The following RFWD3 variants were observed in gnomAD, a reference collection of about 807,000 sequenced individuals.
RFWD3 encodes E3 ubiquitin-protein ligase RFWD3.
A neutral mutation model predicts 87.7 loss-of-function variants in RFWD3; 65 were observed. The ratio of observed to expected loss-of-function variants is 0.74; its 90% CI spans 0.61 to 0.91. The LOEUF is 0.91. Among genes scored for constraint, RFWD3 ranks in the 40% least tolerant of loss-of-function variants. The probability of loss-of-function intolerance (pLI) is 0.00; values close to 1 mark genes in which losing one functional copy is unlikely to be tolerated. For missense variants in RFWD3, 1,078 were observed against 938.5 expected (o/e 1.15, Z -1.94); for synonymous variants, 433 against 352.8 (o/e 1.23, Z -2.55).
Position 74,661,418 on chromosome 16 carries a change from T to C in RFWD3, c.32A>G (p.Gln11Arg), listed in dbSNP as rs1291396913. The stretch of plus-strand genomic sequence containing the variant: ...TTGTTCGGCATGATTTAACTGCACC[T>C]GAACATCATATTCCATTGCTTCATG... MAHEAMEYDV[Q>R]VQLNHAEQQP... The change falls in exon 2 of 13, where the codon CAG (glutamine) becomes CGG (arginine). Residue 11 changes from glutamine (Q) to arginine (R), a missense_variant. Transcript: ENST00000361070. 3 of 1,612,862 alleles carry C rather than the reference T, an allele frequency of 1.9e-6. No individual in the cohort carries two copies. The highest frequency in any genetic ancestry group is 2.7e-5 in the African/African-American group (2 of 74,902).
Position 74,651,904 on chromosome 16 carries a change from T to C in RFWD3, c.721+16A>G. On this transcript the variant is annotated intron_variant, in intron 3 of 12. Coordinates refer to ENST00000361070, the MANE Select transcript of RFWD3 (RefSeq NM_018124.4). ...GATGTTAGCCTTGTGAGTCCAAACCTGGGTAAAATACTGACCTTCTAAAAT... is the reference window on the plus strand; with the variant it reads ...GATGTTAGCCTTGTGAGTCCAAACCCGGGTAAAATACTGACCTTCTAAAAT... 6.2e-7 allele frequency: 1 copy of C among 1,612,678 alleles called. No individual in the cohort carries two copies. The highest frequency in any genetic ancestry group is 8.5e-7 in the Non-Finnish European group (1 of 1,179,172).
intron 4 of RFWD3, among the ~76,000 whole-genome samples, chr16:74,646,153 T>C (rs1277658421): frequency 6.6e-6 from 1 of 152,086 alleles, no homozygotes; most frequent in African/African-American, 2.4e-5. Flanking sequence ...GGCAGGAGGA[T>C]TCCTTGAGCT....
At chr16:74,624,220 CAA>C (rs1160292757) in intron 12 of RFWD3, 149 bp from the exon 13 acceptor site, 1 of 858,816 alleles carries the variant, frequency 1.2e-6, no homozygotes, top group Admixed American at 2.9e-5. Context: ...CAAGGTTGTT[CAA>C]AGTCAGCACA....
chr16:74,655,786 A>C (rs959088523), intron 2 of RFWD3, among the ~76,000 whole-genome samples: 1 of 152,162 alleles, frequency 6.6e-6, no homozygotes, highest in African/African-American at 2.4e-5. Context: ...TCGGCCTCCC[A>C]AAGTGCTGGG....
chr16:74,649,195 T>A lies in RFWD3; in HGVS notation c.729A>T (p.Leu243=). ...ESGAVILEEQ[L]AGVSAEQEVT... is the part of the protein sequence containing the mutation. ...CTTCTTGCTCTGCTGAGACACCTGC[T>A]AGTTGCTCTGCCAAGTCATTTCCAG... Residue 243 remains leucine (L), a synonymous_variant, in exon 4 of 13, where the codon CTA becomes CTT. Coordinates refer to ENST00000361070, the MANE Select transcript of RFWD3 (RefSeq NM_018124.4). 6.4e-7 allele frequency: 1 copy of A among 1,560,570 alleles called. No homozygotes were observed. Among genetic ancestry groups the A allele is most frequent in the Non-Finnish European group, 8.6e-7 (1 of 1,161,774 alleles).
In RFWD3 at chr16:74,624,049, G is replaced by A. The variant is rs1958846622; in HGVS notation, c.2204C>T (p.Ser735Leu). 10 of 1,613,872 alleles carry A rather than the reference G, an allele frequency of 6.2e-6. No individual in the cohort carries two copies. The highest frequency in any genetic ancestry group is 2.2e-5 in the East Asian group (1 of 44,852). ...ATCGGTCTGTAGGTCCTGGAGCAACGAGCCACTGGCAGCATCCCACAGCTA... is the reference window on the plus strand; with the variant it reads ...ATCGGTCTGTAGGTCCTGGAGCAACAAGCCACTGGCAGCATCCCACAGCTA... ...SALLWDAASG[S>L]LLQDLQTDQP... Residue 735 changes from serine (S) to leucine (L), a missense_variant, in exon 13 of 13, where the codon TCG becomes TTG. Transcript: ENST00000361070.
At chr16:74,644,082 G>T in intron 6 of RFWD3, 1 of 488,694 alleles carries the variant, frequency 2.0e-6, no homozygotes, top group Non-Finnish European at 3.7e-6. Context: ...CTGTGGCGGG[G>T]GGTGGTCAGG....
Position 74,630,906 on chromosome 16 carries a change from C to T in RFWD3, c.1629G>A (p.Trp543Ter), listed in dbSNP as rs776176666. The T allele has an allele frequency of 6.2e-7, 1 of 1,614,058 alleles. No individual in the cohort carries two copies. Among genetic ancestry groups the T allele is most frequent in the Non-Finnish European group, 8.5e-7 (1 of 1,179,958 alleles). Reference protein sequence around the residue: ...VQTYNAGRPVWSCCWCLDEAN... With the variant: ...VQTYNAGRPV ...CCTCATCAAGACACCAGCAACAGCT[C>T]CAGACAGGACGTCCAGCATTATAAG... The change falls in exon 10 of 13, where the codon TGG (tryptophan) becomes TGA (stop). Residue 543 changes from tryptophan to a stop codon, truncating the protein, a stop_gained. Transcript: ENST00000361070. LOFTEE classifies it high-confidence loss of function.
At chr16:74,626,655 G>T in intron 11 of RFWD3, 101 bp from the exon 12 acceptor site, 1 of 805,944 alleles carries the variant, frequency 1.2e-6, no homozygotes, top group Non-Finnish European at 2.0e-6. Context: ...GGATGGAAAA[G>T]CCATAAATGC....
At position 74,644,603 on chromosome 16, in the gene RFWD3, G is replaced by A. The variant is rs1409111756; in HGVS notation, c.925C>T (p.His309Tyr). Residue 309 changes from histidine to tyrosine, a missense_variant, in exon 5 of 13, where the codon CAT becomes TAT. Transcript: ENST00000361070. ...GAAATGCACCTATACCCAAAGAGATGCCCACAGCGTAATGCTGAGAGCCGG... is the reference window on the plus strand; with the variant it reads ...GAAATGCACCTATACCCAAAGAGATACCCACAGCGTAATGCTGAGAGCCGG... Reference protein sequence around the residue: ...DHRLSALRCGHLFGYRCISTW... With the variant: ...DHRLSALRCGYLFGYRCISTW... 1.2e-6 allele frequency: 2 copies of A among 1,614,140 alleles called. No homozygotes were observed. The highest frequency in any genetic ancestry group is 2.2e-5 in the East Asian group (1 of 44,886).
At chr16:74,635,005 G>T (rs565954150) in intron 8 of RFWD3, among the ~76,000 whole-genome samples, 1 of 152,110 alleles carries the variant, frequency 6.6e-6, no homozygotes, top group Non-Finnish European at 1.5e-5. Flanking sequence ...GCATAGCCGG[G>T]CGCGGTGGCT....
chr16:74,634,480 G>A (rs1009293053), intron 8 of RFWD3, among the ~76,000 whole-genome samples: 3 of 151,924 alleles, frequency 2.0e-5, no homozygotes, highest in Admixed American at 6.6e-5. Context: ...GATCTCCTAG[G>A]CTCAAGCGAT....
chr16:74,633,748 G>A (rs953880007), intron 8 of RFWD3, among the ~76,000 whole-genome samples: 15 of 152,034 alleles, frequency 9.9e-5, no homozygotes, highest in African/African-American at 2.9e-4. Context: ...TCATGAGTTC[G>A]AGACCAGCCT....
In RFWD3 at chr16:74,638,592, T is replaced by C. The variant is rs189895715; in HGVS notation, c.1080-622A>G. 3.6e-4 allele frequency among the ~76,000 whole-genome samples: 55 copies of C among 151,966 alleles called. No homozygotes were observed. In the South Asian group the frequency reaches 0.011, roughly 29 times the overall value. On this transcript the variant is annotated intron_variant, in intron 6 of 12. Transcript: ENST00000361070. The stretch of plus-strand genomic sequence containing the variant: ...AAGATATGCAAGAAAAAGATGAAAA[T>C]TGGAAAAGATAAAGCTGCCCTTATT...
At chr16:74,624,189 G>T in intron 12 of RFWD3, 118 bp from the exon 13 acceptor site, 2 of 1,232,206 alleles carry the variant, frequency 1.6e-6, no homozygotes, top group South Asian at 1.5e-5. Flanking sequence ...GGAGAGCAAA[G>T]CAGGCTGTCC....
chr16:74,656,874 C>G (rs201011505), intron 2 of RFWD3, among the ~76,000 whole-genome samples: 1 of 152,136 alleles, frequency 6.6e-6, no homozygotes, highest in Non-Finnish European at 1.5e-5. Flanking sequence ...TGACTTTTGC[C>G]GGGCTCAAGA....
In RFWD3 at chr16:74,648,644, T is replaced by A. The variant is rs372749867; in HGVS notation, c.792+488A>T. The stretch of plus-strand genomic sequence containing the variant: ...AAAATTAGCTGGGCGGGGTGGCGTG[T>A]GCCTGTAGTCCCAGCTGCTCGGGAG... On this transcript the variant is annotated intron_variant, in intron 4 of 12. Coordinates refer to ENST00000361070, the MANE Select transcript of RFWD3 (RefSeq NM_018124.4). Among the ~76,000 whole-genome samples, 4 of 151,656 alleles carry A rather than the reference T, an allele frequency of 2.6e-5. No individual in the cohort carries two copies. In the South Asian group the frequency reaches 6.3e-4, roughly 24 times the overall value.
chr16:74,650,460 G>A (rs756744796), intron 3 of RFWD3, among the ~76,000 whole-genome samples: 2 of 151,220 alleles, frequency 1.3e-5, no homozygotes, highest in African/African-American at 2.4e-5. Context: ...AGGCACATAT[G>A]GTCTTGCTGT....
chr16:74,630,835 T>C lies in RFWD3; in HGVS notation c.1700A>G (p.Tyr567Cys), dbSNP rs752481084. ...AGLANGSILV[Y>C]DVRNTSSHVQ... ...ATGACTGCTCGTGTTTCGCACGTCA[T>C]ATACCAGAATTGAACCATTGGCCAG... Residue 567 changes from tyrosine (Y) to cysteine (C), a missense_variant, in exon 10 of 13, where the codon TAT (tyrosine) becomes TGT (cysteine). Transcript: ENST00000361070. The C allele has an allele frequency of 1.2e-6, 2 of 1,613,682 alleles. No individual in the cohort carries two copies. The highest frequency in any genetic ancestry group is 3.3e-5 in the Admixed American group (2 of 59,938).
Sources: gnomAD v4.1 joint callset for allele counts (sites outside exome capture counted in the v4.1 genomes callset) on GRCh38, gnomAD v4.1.1 for gene constraint, MANE v1.5 for transcripts, NCBI Gene and HGNC (gene_info 2026-07-23, HGNC 2026-07-21) for gene names.